The following KDM4A variants were observed in gnomAD, a reference collection of about 807,000 sequenced individuals.
The protein encoded by KDM4A is lysine-specific demethylase 4A.
In KDM4A, 23 loss-of-function variants were observed where a neutral mutation model predicts 127.1. That is an observed-to-expected ratio of 0.18 (90% CI 0.13 to 0.26). The LOEUF is 0.26. KDM4A is among the 10% of genes least tolerant of loss of function. The probability of loss-of-function intolerance (pLI) is 1.00; values close to 1 mark genes in which losing one functional copy is unlikely to be tolerated. For synonymous variants in KDM4A, 443 were observed against 466.5 expected, an observed-to-expected ratio of 0.95 and a Z score of 0.65; for missense variants, 890 against 1,329.1, an observed-to-expected ratio of 0.67 and a Z score of 5.14.
rs1660777846 is a variant in KDM4A, at chr1:43,677,886, G to A, written c.1735-5798G>A. 2.6e-5 allele frequency among the ~76,000 whole-genome samples: 4 copies of A among 152,290 alleles called. No homozygotes were observed. The South Asian group carries it at 8.3e-4, about 32-fold the overall frequency. On this transcript the variant is annotated intron_variant, in intron 11 of 21. Coordinates refer to ENST00000372396, the MANE Select transcript of KDM4A (RefSeq NM_014663.3). Reference sequence around the variant, plus strand: ...AAAGGAGGAAAAAAGATTTGAAACAGGGAAACCAATTAGGAACCTGTTTCT... The same window carrying A: ...AAAGGAGGAAAAAAGATTTGAAACAAGGAAACCAATTAGGAACCTGTTTCT...
intron 11 of KDM4A, 38 bp from the exon 12 acceptor site, chr1:43,683,646 G>A (rs1557914756): frequency 2.5e-6 from 4 of 1,601,180 alleles, no homozygotes; most frequent in Non-Finnish European, 2.6e-6. Context: ...TGTCTCAAGT[G>A]GAGACAAGAC....
chr1:43,686,573 G>C (rs557797343), intron 12 of KDM4A, among the ~76,000 whole-genome samples: 9 of 152,038 alleles, frequency 5.9e-5, no homozygotes, highest in Non-Finnish European at 1.0e-4. Flanking sequence ...CTGACCTCAA[G>C]TGATCTGCCC....
At position 43,650,168 on chromosome 1, in the gene KDM4A, C is replaced by T. The variant is rs927496437; in HGVS notation, c.-124C>T. ...GACTTTAGAGGAGGCGGAGTTTCGG[C>T]CTTCGCCTGCTGGAAAAGCAGTAGG... On this transcript the variant is annotated 5_prime_UTR_variant, in exon 1 of 22. Transcript: ENST00000372396. 1 of 152,370 alleles carries T rather than the reference C, an allele frequency of 6.6e-6. No individual in the cohort carries two copies. The highest frequency in any genetic ancestry group is 2.4e-5 in the African/African-American group (1 of 41,462). The allele number at this position is 152,370 out of a possible 1,614,324, so 9.4% of individuals were successfully genotyped here.
chr1:43,701,193 A>T (rs2154049406), intron 19 of KDM4A, among the ~76,000 whole-genome samples: 1 of 152,332 alleles, frequency 6.6e-6, no homozygotes, highest in African/African-American at 2.4e-5. Context: ...TGCTGGGATT[A>T]CAGGCATGAG....
intron 12 of KDM4A, among the ~76,000 whole-genome samples, chr1:43,684,456 T>C (rs1302179342): frequency 1.3e-5 from 2 of 152,002 alleles, no homozygotes; most frequent in Non-Finnish European, 2.9e-5. Context: ...TGAGCCGAGA[T>C]GGTGCCACTG....
At chr1:43,700,937 T>G (rs1661374316) in intron 19 of KDM4A, among the ~76,000 whole-genome samples, 1 of 151,552 alleles carries the variant, frequency 6.6e-6, no homozygotes, top group South Asian at 2.1e-4. Context: ...TTTTTTTTTT[T>G]TTTTGAGACA....
intron 9 of KDM4A, 39 bp downstream of exon 9, chr1:43,668,058 G>C (rs1341821710): frequency 6.2e-7 from 1 of 1,610,528 alleles, no homozygotes; most frequent in African/African-American, 1.3e-5. Flanking sequence ...GCGTGAGGGA[G>C]GGATGTCTGG....
chr1:43,655,897 C>A, intron 3 of KDM4A, 131 bp downstream of exon 3: 2 of 624,288 alleles, frequency 3.2e-6, no homozygotes, highest in Non-Finnish European at 5.0e-6. Flanking sequence ...TAGCTGTCTC[C>A]CTTTCTGCTT....
chr1:43,665,958 G>A (rs1394092345), intron 6 of KDM4A, among the ~76,000 whole-genome samples: 1 of 152,132 alleles, frequency 6.6e-6, no homozygotes, highest in African/African-American at 2.4e-5. Flanking sequence ...TAATGAGCAG[G>A]GGTGTTTCTT....
intron 11 of KDM4A, among the ~76,000 whole-genome samples, chr1:43,674,547 C>T (rs1024211947): frequency 2.0e-5 from 3 of 148,756 alleles, no homozygotes; most frequent in Non-Finnish European, 3.0e-5. Context: ...GACTGAGTCT[C>T]GCTCTGTTGC....
chr1:43,697,547 T>C (rs1661270636), intron 18 of KDM4A, among the ~76,000 whole-genome samples: 1 of 152,186 alleles, frequency 6.6e-6, no homozygotes, highest in South Asian at 2.1e-4. Context: ...GTCCATGTTG[T>C]TGTTCAGAGA....
At chr1:43,689,352 TCA>T (rs1331612119) in intron 13 of KDM4A, among the ~76,000 whole-genome samples, 3 of 152,226 alleles carry the variant, frequency 2.0e-5, no homozygotes, top group Admixed American at 6.5e-5. Flanking sequence ...ATCACAGACA[TCA>T]GTTTGCAGAG....
At chr1:43,664,965 G>A (rs1293132956) in intron 5 of KDM4A, among the ~76,000 whole-genome samples, 3 of 151,720 alleles carry the variant, frequency 2.0e-5, no homozygotes, top group African/African-American at 7.2e-5. Context: ...TTTGCAGTGG[G>A]AGGATTTGTT....
In KDM4A at chr1:43,657,403, A is replaced by G. The variant is rs192393936; in HGVS notation, c.314+1637A>G. On this transcript the variant is annotated intron_variant, in intron 3 of 21. Transcript: ENST00000372396. The stretch of plus-strand genomic sequence containing the variant: ...TTTTTAGCAGAGGCAGGGTTTCACC[A>G]TGTTGGCCAGGATGGTCTCGATCTC... Among the ~76,000 whole-genome samples the G allele has an allele frequency of 1.3e-3, 204 of 151,956 alleles. 1 individual carries two copies. The East Asian group carries it at 0.037, about 28-fold the overall frequency.
At chr1:43,660,052 G>A (rs947414935) in intron 3 of KDM4A, among the ~76,000 whole-genome samples, 4 of 152,180 alleles carry the variant, frequency 2.6e-5, no homozygotes, top group African/African-American at 9.7e-5. Context: ...TGAGGATGTT[G>A]TGCTTGTTAA....
At chr1:43,653,966 TTA>T (rs147920846) in intron 2 of KDM4A, among the ~76,000 whole-genome samples, 1,529 of 152,304 alleles carry the variant, frequency 0.01, 22 homozygotes, top group African/African-American at 0.035. Flanking sequence ...TTACACCATT[TTA>T]TGTTGTTTGA....
At chr1:43,669,330 C>G (rs766709619) in intron 10 of KDM4A, 31 bp downstream of exon 10, 1 of 1,601,400 alleles carries the variant, frequency 6.2e-7, no homozygotes, top group South Asian at 1.1e-5. Flanking sequence ...TTTCCACAAC[C>G]CTAACTCATA....
chr1:43,657,348 G>T lies in KDM4A; in HGVS notation c.314+1582G>T, dbSNP rs562131036. 3.3e-5 allele frequency among the ~76,000 whole-genome samples: 5 copies of T among 152,008 alleles called. No homozygotes were observed. In the East Asian group the frequency reaches 9.7e-4, roughly 30 times the overall value. On this transcript the variant is annotated intron_variant, in intron 3 of 21. Coordinates refer to ENST00000372396, the MANE Select transcript of KDM4A (RefSeq NM_014663.3). ...CTCCTGAGCAGCTGGGATTACAGGC[G>T]CCCACCACCACACCTAGCTAATTTT... is the stretch of plus-strand genomic sequence containing the variant.
chr1:43,679,003 G>A (rs1353103141), intron 11 of KDM4A, among the ~76,000 whole-genome samples: 1 of 152,168 alleles, frequency 6.6e-6, no homozygotes, highest in Non-Finnish European at 1.5e-5. Context: ...ACTGTCACCA[G>A]AATGCAGATG....
Sources: gnomAD v4.1 joint callset for allele counts (sites outside exome capture counted in the v4.1 genomes callset) on GRCh38, gnomAD v4.1.1 for gene constraint, MANE v1.5 for transcripts, NCBI Gene and HGNC (gene_info 2026-07-23, HGNC 2026-07-21) for gene names.